BRINP2: variants seen among roughly 807,000 people sequenced by gnomAD.
The protein encoded by BRINP2 is BMP/retinoic acid inducible neural specific 2.
Under a neutral mutation model 69.2 loss-of-function variants are expected in BRINP2, and 21 were observed. The observed-to-expected ratio is 0.30, with a 90% CI of 0.22 to 0.44. BRINP2 has a LOEUF of 0.44. BRINP2 is among the 20% of genes least tolerant of loss of function. The probability of loss-of-function intolerance (pLI) is 1.00; values close to 1 mark genes in which losing one functional copy is unlikely to be tolerated. For synonymous variants in BRINP2, 380 were observed against 394.1 expected (o/e 0.96, Z 0.42); for missense variants, 877 against 986.0 (o/e 0.89, Z 1.48).
intron 4 of BRINP2, among the ~76,000 whole-genome samples, chr1:177,257,757 C>T (rs1302525788): frequency 6.6e-6 from 1 of 152,242 alleles, no homozygotes; most frequent in Non-Finnish European, 1.5e-5. Context: ...GCAGCTCATA[C>T]GATTATTATT....
chr1:177,277,154 A>C (rs1287573050), intron 6 of BRINP2, among the ~76,000 whole-genome samples: 1 of 148,258 alleles, frequency 6.7e-6, no homozygotes, highest in Non-Finnish European at 1.5e-5. Flanking sequence ...CAAAAAGGTT[A>C]CATTATATAT....
intron 6 of BRINP2, among the ~76,000 whole-genome samples, chr1:177,278,113 G>A (rs1651561360): frequency 6.6e-6 from 1 of 152,118 alleles, no homozygotes; most frequent in Admixed American, 6.5e-5. Flanking sequence ...TCTCCTCTGT[G>A]CCCACATGTG....
In BRINP2 at chr1:177,229,830, G is replaced by C. The variant is rs1435607481; in HGVS notation, c.-47G>C. On this transcript the variant is annotated 5_prime_UTR_variant, in exon 2 of 8. Transcript: ENST00000361539. Reference sequence around the variant, plus strand: ...GAGCCCTGGAGGAGCAGCACGGAGCGGGAGAGCGTGGCGAGAGAATGAAGA... The same window carrying C: ...GAGCCCTGGAGGAGCAGCACGGAGCCGGAGAGCGTGGCGAGAGAATGAAGA... 1.3e-6 allele frequency: 2 copies of C among 1,539,078 alleles called. No homozygotes were observed. The highest frequency in any genetic ancestry group is 2.7e-5 in the African/African-American group (2 of 73,244).
intron 4 of BRINP2, among the ~76,000 whole-genome samples, chr1:177,272,838 CA>C (rs1651371756): frequency 1.3e-5 from 2 of 152,200 alleles, no homozygotes; most frequent in Non-Finnish European, 2.9e-5. Context: ...ATACTTTAAA[CA>C]TCAGGGAAAA....
chr1:177,259,887 A>G (rs902966721), intron 4 of BRINP2, among the ~76,000 whole-genome samples: 2 of 152,190 alleles, frequency 1.3e-5, no homozygotes, highest in African/African-American at 4.8e-5. Context: ...GAGATGTACA[A>G]AGGAGATTAA....
At chr1:177,176,639 T>C (rs10913295) in intron 1 of BRINP2, among the ~76,000 whole-genome samples, 23,770 of 151,400 alleles carry the variant, frequency 0.16, 3,804 homozygotes, top group African/African-American at 0.41. Flanking sequence ...GAGGAGTTGG[T>C]GACATAAAAA....
At chr1:177,182,553 G>A (rs1326357089) in intron 1 of BRINP2, among the ~76,000 whole-genome samples, 1 of 152,192 alleles carries the variant, frequency 6.6e-6, no homozygotes, top group African/African-American at 2.4e-5. Flanking sequence ...ATTTCCCAAA[G>A]AGGGCTGCTC....
At chr1:177,215,443 T>C (rs962301083) in intron 1 of BRINP2, among the ~76,000 whole-genome samples, 4 of 152,184 alleles carry the variant, frequency 2.6e-5, no homozygotes, top group Non-Finnish European at 5.9e-5. Flanking sequence ...CTCCTAATTT[T>C]TTTATAGCCA....
At chr1:177,204,823 G>C (rs1276469053) in intron 1 of BRINP2, among the ~76,000 whole-genome samples, 1 of 152,122 alleles carries the variant, frequency 6.6e-6, no homozygotes, top group African/African-American at 2.4e-5. Flanking sequence ...TGTGTATATA[G>C]AGTCTTTTTC....
chr1:177,205,424 G>A (rs558568414), intron 1 of BRINP2, among the ~76,000 whole-genome samples: 15 of 152,250 alleles, frequency 9.9e-5, no homozygotes, highest in African/African-American at 3.4e-4. Flanking sequence ...GATTACAGCC[G>A]TGAGCCACTG....
intron 3 of BRINP2, chr1:177,256,738 C>T (rs1490005427): frequency 9.2e-7 from 1 of 1,084,404 alleles, no homozygotes; most frequent in South Asian, 2.7e-5. Context: ...TCTCCCAGGG[C>T]TCGGGCCAGC....
chr1:177,254,778 G>A (rs1650700293), intron 2 of BRINP2, among the ~76,000 whole-genome samples: 2 of 151,998 alleles, frequency 1.3e-5, no homozygotes, highest in African/African-American at 2.4e-5. Flanking sequence ...GCTTTTAAAT[G>A]AAAATTCAAA....
chr1:177,237,018 G>A (rs1459333457), intron 2 of BRINP2, among the ~76,000 whole-genome samples: 1 of 151,984 alleles, frequency 6.6e-6, no homozygotes, highest in African/African-American at 2.4e-5. Context: ...AGAGAAATTA[G>A]GACCAAAAGC....
chr1:177,255,265 T>G (rs1463900860), intron 2 of BRINP2, among the ~76,000 whole-genome samples: 2 of 152,218 alleles, frequency 1.3e-5, no homozygotes, highest in African/African-American at 4.8e-5. Context: ...CTAAATTTGT[T>G]TTGTTTCAGA....
intron 1 of BRINP2, among the ~76,000 whole-genome samples, chr1:177,199,892 C>A (rs1287058249): frequency 1.3e-5 from 2 of 152,132 alleles, no homozygotes; most frequent in African/African-American, 4.8e-5. Flanking sequence ...CACTTTGCAC[C>A]ATCTTCACAG....
chr1:177,227,664 CTTCT>C (rs1324935841), intron 1 of BRINP2, among the ~76,000 whole-genome samples: 1 of 150,936 alleles, frequency 6.6e-6, no homozygotes, highest in Non-Finnish European at 1.5e-5. Flanking sequence ...GAGGATTTTC[CTTCT>C]TTCTATGATT....
chr1:177,189,460 G>A (rs12120894), intron 1 of BRINP2, among the ~76,000 whole-genome samples: 63,077 of 151,846 alleles, frequency 0.42, 13,282 homozygotes, highest in South Asian at 0.52. Context: ...TCATTTGGTC[G>A]CTGCCACTCT....
At chr1:177,204,514 G>T (rs1302223630) in intron 1 of BRINP2, among the ~76,000 whole-genome samples, 1 of 152,090 alleles carries the variant, frequency 6.6e-6, no homozygotes, top group Non-Finnish European at 1.5e-5. Context: ...GGCCAAGAAA[G>T]CTAAGAAAAT....
At position 177,250,200 on chromosome 1, in the gene BRINP2, C is replaced by T. The variant is rs114482975; in HGVS notation, c.270-5719C>T. On this transcript the variant is annotated intron_variant, in intron 2 of 7. Transcript: ENST00000361539. ...AACTGGGACTACAGGCACTAGCCAC[C>T]ATGCCCACTTGAGTCTAATTCTGAG... 7.9e-3 allele frequency among the ~76,000 whole-genome samples: 1,196 copies of T among 152,306 alleles called. 11 individuals are homozygous for T. Among genetic ancestry groups the T allele is most frequent in the African/African-American group, 0.027 (1,127 of 41,548 alleles).
Sources: allele counts gnomAD v4.1 joint callset (sites outside exome capture counted in the v4.1 genomes callset), GRCh38; gene constraint gnomAD v4.1.1; transcripts MANE v1.5; gene names NCBI Gene and HGNC (gene_info 2026-07-23, HGNC 2026-07-21).